Variants in AMN1 observed in about 807,000 individuals in gnomAD.
The protein encoded by AMN1 is protein AMN1 homolog.
A neutral mutation model predicts 33.0 loss-of-function variants in AMN1; 20 were observed. The observed-to-expected ratio is 0.61, with a 90% CI of 0.43 to 0.88. The LOEUF is 0.88. Among genes scored for constraint, AMN1 ranks in the 40% least tolerant of loss-of-function variants. AMN1 has a pLI of 0.00. For missense variants in AMN1, 246 were observed against 307.4 expected (o/e 0.80, Z 1.49); for synonymous variants, 114 against 111.9 (o/e 1.02, Z -0.12).
intron 5 of AMN1, among the ~76,000 whole-genome samples, chr12:31,696,590 C>T (rs1046741062): frequency 3.3e-5 from 5 of 152,088 alleles, no homozygotes; most frequent in Admixed American, 2.6e-4. Flanking sequence ...AAATAGGTTA[C>T]AAGTGCATTA....
At chr12:31,685,736 G>T (rs749435112) in intron 6 of AMN1, among the ~76,000 whole-genome samples, 6 of 150,248 alleles carry the variant, frequency 4.0e-5, no homozygotes, top group Admixed American at 1.3e-4. Flanking sequence ...GGGAGGCGGA[G>T]GTTGCAGTGA....
At chr12:31,729,047 C>T (rs1940200859), upstream of AMN1, 2 of 1,512,212 alleles carry the variant, frequency 1.3e-6, no homozygotes, top group South Asian at 1.2e-5. Context: ...GTCCCAGGGC[C>T]TCCAGAACCC....
At chr12:31,684,894 A>G (rs1030994997) in intron 6 of AMN1, among the ~76,000 whole-genome samples, 7 of 152,218 alleles carry the variant, frequency 4.6e-5, no homozygotes, top group Admixed American at 6.5e-5. Context: ...CATCACCAAC[A>G]TAAAAATACG....
At chr12:31,728,753 T>C (rs1329931448) in intron 1 of AMN1, among the ~76,000 whole-genome samples, 1 of 151,748 alleles carries the variant, frequency 6.6e-6, no homozygotes, top group East Asian at 1.9e-4. Context: ...CGCAGCGGAG[T>C]GTTGGAGGGG....
intron 1 of AMN1, among the ~76,000 whole-genome samples, chr12:31,721,330 A>T (rs912287941): frequency 1.3e-5 from 2 of 152,164 alleles, no homozygotes; most frequent in African/African-American, 4.8e-5. Flanking sequence ...CTCAGGTATC[A>T]ATACTGGGGT....
chr12:31,690,678 T>C (rs1240513645), intron 5 of AMN1, among the ~76,000 whole-genome samples: 1 of 152,186 alleles, frequency 6.6e-6, no homozygotes, highest in Non-Finnish European at 1.5e-5. Flanking sequence ...GATGTATAGA[T>C]TGTGAAGATT....
chr12:31,673,283 A>T (rs1951319818), intron 6 of AMN1, among the ~76,000 whole-genome samples: 1 of 152,020 alleles, frequency 6.6e-6, no homozygotes, highest in African/African-American at 2.4e-5. Flanking sequence ...TGGGCCCAAC[A>T]TATACAGTGA....
At chr12:31,673,616 CTT>C (rs1269371179) in intron 6 of AMN1, 2 of 433,946 alleles carry the variant, frequency 4.6e-6, no homozygotes, top group Non-Finnish European at 9.2e-6. Flanking sequence ...CTTTCCAACT[CTT>C]TCTGTGAGGC....
At chr12:31,727,825 T>C (rs1940139778) in intron 1 of AMN1, among the ~76,000 whole-genome samples, 2 of 152,186 alleles carry the variant, frequency 1.3e-5, no homozygotes, top group Admixed American at 1.3e-4. Context: ...CTCTGCCTCC[T>C]GGGTTGAGGC....
rs34860207 is a variant in AMN1 at position 31,699,395 on chromosome 12, CAAA to C, written c.317-1441_317-1439del. ...TGGGCAATATGGTGAGACTCTGTCTCAAAAAAAAAAAAAAAAAAAAAAAAAAGA... is the reference window on the plus strand; with the variant it reads ...TGGGCAATATGGTGAGACTCTGTCTCAAAAAAAAAAAAAAAAAAAAAAAGA... On this transcript the variant is annotated intron_variant, in intron 3 of 6. Transcript: ENST00000281471. 6.2e-4 allele frequency among the ~76,000 whole-genome samples: 23 copies of C among 36,874 alleles called. No individual in the cohort carries two copies. The East Asian group carries it at 0.012, about 19-fold the overall frequency. 24.2% of individuals were successfully genotyped at this position (36,874 alleles called of 152,430 possible).
chr12:31,714,937 C>T, intron 1 of AMN1: 1 of 982,426 alleles, frequency 1.0e-6, no homozygotes, highest in Non-Finnish European at 1.2e-6. Flanking sequence ...ATTAACCATT[C>T]AAGTCCAGTA....
intron 6 of AMN1, among the ~76,000 whole-genome samples, chr12:31,678,394 C>CTTTTTTTTTTTTTTTTTTT (rs71062449): frequency 6.8e-6 from 1 of 146,386 alleles, no homozygotes. Flanking sequence ...GAAATACAAA[C>CTTTTTTTTTTTTTTTTTTT]TTTTTTTTTT....
At chr12:31,686,967 A>T (rs1938291463) in intron 6 of AMN1, among the ~76,000 whole-genome samples, 1 of 151,836 alleles carries the variant, frequency 6.6e-6, no homozygotes, top group African/African-American at 2.4e-5. Context: ...TTCCTTCACA[A>T]CTTTCTGTGC....
chr12:31,692,460 A>G lies in AMN1; in HGVS notation c.592-3342T>C, dbSNP rs914458978. Among the ~76,000 whole-genome samples, 460 of 151,678 alleles carry G rather than the reference A, an allele frequency of 3.0e-3. 5 individuals carry two copies. The highest frequency in any genetic ancestry group is 0.01 in the African/African-American group (431 of 41,416). The stretch of plus-strand genomic sequence containing the variant: ...AAGTGAGACTCTGTCTCAAAAAAAA[A>G]AAACAAACGAAAAAAAACATATTAA... On this transcript the variant is annotated intron_variant, in intron 5 of 6. Coordinates refer to ENST00000281471, the MANE Select transcript of AMN1 (RefSeq NM_001113402.2).
At chr12:31,729,130 C>T (rs1320758272), upstream of AMN1, 2 of 1,161,072 alleles carry the variant, frequency 1.7e-6, no homozygotes, top group Non-Finnish European at 2.4e-6. Flanking sequence ...CGGATTTTTC[C>T]GGTGACCGGG....
chr12:31,693,193 C>T (rs2139679534), intron 5 of AMN1, among the ~76,000 whole-genome samples: 1 of 152,272 alleles, frequency 6.6e-6, no homozygotes, highest in East Asian at 1.9e-4. Flanking sequence ...TCTCCCCACT[C>T]CAGACTCCTG....
Position 31,687,125 on chromosome 12 carries a change from C to G in AMN1, c.703+1882G>C, listed in dbSNP as rs995090992. On this transcript the variant is annotated intron_variant, in intron 6 of 6. Transcript: ENST00000281471. The surrounding 1 kb of genome is among the most constrained non-coding windows in gnomAD (Gnocchi z 4.1). ...TCCCAGGCTTAAGTGATCCACCCAC[C>G]TTAGCCTCCCACAGTGCTGGGATTA... Among the ~76,000 whole-genome samples the G allele has an allele frequency of 6.6e-6, 1 of 152,042 alleles. No individual in the cohort carries two copies. The highest frequency in any genetic ancestry group is 1.9e-4 in the East Asian group (1 of 5,180).
chr12:31,723,732 A>G (rs11051547), intron 1 of AMN1, among the ~76,000 whole-genome samples: 6,160 of 152,272 alleles, frequency 0.04, 393 homozygotes, highest in East Asian at 0.27. Context: ...GTGTTCTACA[A>G]TGGCAGAGCT....
chr12:31,718,920 G>A (rs1011836534), intron 1 of AMN1, among the ~76,000 whole-genome samples: 1 of 152,236 alleles, frequency 6.6e-6, no homozygotes, highest in African/African-American at 2.4e-5. Flanking sequence ...CCCCCGCCAA[G>A]CTCCCACATC....
Sources: allele counts gnomAD v4.1 joint callset (sites outside exome capture counted in the v4.1 genomes callset), GRCh38; gene constraint gnomAD v4.1.1; non-coding constraint Gnocchi (gnomAD v3.1); transcripts MANE v1.5; gene names NCBI Gene and HGNC (gene_info 2026-07-23, HGNC 2026-07-21).